The following DNAAF19 variants were observed in gnomAD, a reference collection of about 807,000 sequenced individuals.
The protein encoded by DNAAF19 is coiled-coil domain containing 103.
At chr17:44,902,928 CAACT>C in the DNAAF19 span, 4 of 1,434,732 alleles carry the variant, frequency 2.8e-6, no homozygotes, top group African/African-American at 1.4e-5. Context: ...GTTCCCTTCT[CAACT>C]TGGAATTTTC....
At chr17:44,902,859 C>T in the DNAAF19 span, 2 of 1,476,142 alleles carry the variant, frequency 1.4e-6, no homozygotes, top group Non-Finnish European at 1.8e-6. Context: ...TCACTGGAGG[C>T]AGTTTTTTGG....
At chr17:44,903,738 G>C in the DNAAF19 span, 1 of 1,455,252 alleles carries the variant, frequency 6.9e-7, no homozygotes, top group Non-Finnish European at 9.0e-7. Flanking sequence ...TCCTCATCTA[G>C]AGGCTTCCGC....
At chr17:44,904,696 TC>T in the DNAAF19 span, 1 of 1,550,558 alleles carries the variant, frequency 6.4e-7, no homozygotes, top group East Asian at 2.4e-5. Context: ...TCATCTCCTG[TC>T]CTGGGGCCCG....
chr17:44,901,981 G>A, the DNAAF19 span, among the ~76,000 whole-genome samples: 8 of 152,156 alleles, frequency 5.3e-5, no homozygotes, highest in Non-Finnish European at 8.8e-5. Context: ...TAATGATCCT[G>A]TGGCAGTGTT....
At chr17:44,901,119 G>A in the DNAAF19 span, 2 of 1,608,970 alleles carry the variant, frequency 1.2e-6, no homozygotes, top group Non-Finnish European at 1.7e-6. Context: ...GGAACAGAGG[G>A]TGGCTTCCTA....
At chr17:44,904,071 A>G in the DNAAF19 span, 2 of 1,550,646 alleles carry the variant, frequency 1.3e-6, no homozygotes, top group Non-Finnish European at 1.7e-6. Context: ...GTGCTGACGG[A>G]CTTTGATGGG....
chr17:44,904,978 A>C, the DNAAF19 span: 1 of 1,550,764 alleles, frequency 6.4e-7, no homozygotes, highest in Non-Finnish European at 8.7e-7. Context: ...TCACCCTGAT[A>C]GGCTACCTGC....
chr17:44,905,097 G>A, the DNAAF19 span: 25 of 1,484,896 alleles, frequency 1.7e-5, no homozygotes, highest in South Asian at 3.3e-4. Flanking sequence ...CTGAAGACCA[G>A]TTGTCCTTCA....
At chr17:44,904,417 G>A in the DNAAF19 span, 1 of 1,542,526 alleles carries the variant, frequency 6.5e-7, no homozygotes, top group Non-Finnish European at 8.8e-7. Context: ...GCTACCTGCA[G>A]AGCCCAGACC....
At chr17:44,902,995 C>T in the DNAAF19 span, 25 of 1,428,566 alleles carry the variant, frequency 1.8e-5, no homozygotes, top group South Asian at 2.9e-4. Flanking sequence ...CTCAGTGTCT[C>T]GCTGTTTTGA....
the DNAAF19 span, chr17:44,902,221 G>T: frequency 9.1e-7 from 1 of 1,097,834 alleles, no homozygotes; most frequent in Non-Finnish European, 1.4e-6. Flanking sequence ...TGAAAATGAG[G>T]CCGCCAAGGA....
At chr17:44,901,004 A>G in the DNAAF19 span, 1 of 1,602,696 alleles carries the variant, frequency 6.2e-7, no homozygotes, top group Non-Finnish European at 8.5e-7. Flanking sequence ...AGGCCATGGA[A>G]AGGAATGACA....
At chr17:44,904,296 A>G in the DNAAF19 span, 1 of 1,548,116 alleles carries the variant, frequency 6.5e-7, no homozygotes, top group Non-Finnish European at 8.7e-7. Flanking sequence ...AAGGGCCAGG[A>G]GCCCTTTGCA....
At chr17:44,904,843 T>A in the DNAAF19 span, 12 of 1,550,652 alleles carry the variant, frequency 7.7e-6, no homozygotes, top group Non-Finnish European at 8.7e-6. Flanking sequence ...CCCAGCTGGA[T>A]GACCGGGGCA....
the DNAAF19 span, chr17:44,900,974 C>G: frequency 3.1e-6 from 5 of 1,588,160 alleles, no homozygotes; most frequent in Middle Eastern, 1.7e-4. Context: ...GACATGTATT[C>G]CCTTTGCCTT....
the DNAAF19 span, chr17:44,903,461 G>A: frequency 7.9e-6 from 10 of 1,265,476 alleles, no homozygotes. Context: ...GCAGGGCAGG[G>A]CCTGGAGCAC....
At chr17:44,900,845 C>G in the DNAAF19 span, 6 of 709,908 alleles carry the variant, frequency 8.5e-6, no homozygotes, top group Non-Finnish European at 1.3e-5. Flanking sequence ...AATAGAAAAC[C>G]AGATTTTTGT....
the DNAAF19 span, chr17:44,905,199 G>C: frequency 5.4e-6 from 4 of 735,290 alleles, no homozygotes; most frequent in African/African-American, 1.8e-5. Flanking sequence ...GTTACAGCCT[G>C]CTCCCCATTT....
At chr17:44,901,537 C>T in the DNAAF19 span, 1 of 1,614,142 alleles carries the variant, frequency 6.2e-7, no homozygotes, top group Non-Finnish European at 8.5e-7. Context: ...GTCCTTGCAT[C>T]ACATCTGAAG....
Sources: allele counts gnomAD v4.1 joint callset (sites outside exome capture counted in the v4.1 genomes callset), GRCh38; gene constraint gnomAD v4.1.1; transcripts MANE v1.5; gene names NCBI Gene and HGNC (gene_info 2026-07-23, HGNC 2026-07-21).